Variants in SPDEF observed in about 807,000 individuals in gnomAD.
SPDEF encodes the protein SAM pointed domain containing ETS transcription factor.
Under a neutral mutation model 36.0 loss-of-function variants are expected in SPDEF, and 12 were observed. That is an observed-to-expected ratio of 0.33 (90% CI 0.21 to 0.54). The LOEUF (loss-of-function observed/expected upper bound fraction) is 0.54. SPDEF is among the 20% of genes least tolerant of loss of function. The probability of loss-of-function intolerance (pLI) is 0.93; values close to 1 mark genes in which losing one functional copy is unlikely to be tolerated. For missense variants in SPDEF, 388 were observed against 456.9 expected (o/e 0.85, Z 1.37); for synonymous variants, 205 against 193.0 (o/e 1.06, Z -0.51).
At chr6:34,550,064 C>T (rs1231667986) in intron 1 of SPDEF, among the ~76,000 whole-genome samples, 4 of 152,218 alleles carry the variant, frequency 2.6e-5, no homozygotes, top group Non-Finnish European at 5.9e-5. Context: ...TGGAGAAAAG[C>T]TGGGCTACCC....
At chr6:34,546,078 G>A (rs551555036) in intron 1 of SPDEF, among the ~76,000 whole-genome samples, 26 of 152,266 alleles carry the variant, frequency 1.7e-4, no homozygotes, top group African/African-American at 6.0e-4. Context: ...CCTTTCTCGA[G>A]GGTTATTTAT....
In SPDEF at chr6:34,544,363, C is replaced by T. The variant is rs149469712; in HGVS notation, c.93G>A (p.Ala31=). 148 of 1,602,918 alleles carry T rather than the reference C, an allele frequency of 9.2e-5. No homozygotes were observed. Among genetic ancestry groups the T allele is most frequent in the African/African-American group, 6.5e-4 (49 of 74,972 alleles). The change falls in exon 2 of 6, where the codon GCG becomes GCA. Residue 31 remains alanine (A), a synonymous_variant. Transcript: ENST00000374037. The surrounding 1 kb of genome is among the most constrained non-coding windows in gnomAD (Gnocchi z 4.4). Reference sequence around the variant, plus strand: ...TCTCGAGACCCACTGCCCCCGCTGCCGCCTTCTCCAAGCCTGTCCGCGACA... The same window carrying T: ...TCTCGAGACCCACTGCCCCCGCTGCTGCCTTCTCCAAGCCTGTCCGCGACA... ...DTVSRTGLEK[A]AAGAVGLERR... is the part of the protein sequence containing the mutation.
intron 1 of SPDEF, among the ~76,000 whole-genome samples, chr6:34,554,813 G>A (rs531967037): frequency 1.3e-5 from 2 of 152,362 alleles, no homozygotes; most frequent in African/African-American, 4.8e-5. Flanking sequence ...GGGCAGCCTG[G>A]ACGCCTGTTT....
chr6:34,546,215 TC>T (rs894270232), intron 1 of SPDEF, among the ~76,000 whole-genome samples: 35 of 152,306 alleles, frequency 2.3e-4, no homozygotes, highest in African/African-American at 8.2e-4. Context: ...TGGGGGAGAC[TC>T]CGCAGTCTGG....
At chr6:34,541,511 G>A (rs1369026594) in intron 2 of SPDEF, among the ~76,000 whole-genome samples, 1 of 152,194 alleles carries the variant, frequency 6.6e-6, no homozygotes, top group Non-Finnish European at 1.5e-5. Context: ...AGCCCTAGAG[G>A]GACAGTGACA....
rs1767777088 is a variant in SPDEF at position 34,539,658 on chromosome 6, C to G, written c.635-96G>C. 7.1e-7 allele frequency: 1 copy of G among 1,413,450 alleles called. No individual in the cohort carries two copies. Among genetic ancestry groups the G allele is most frequent in the Admixed American group, 2.0e-5 (1 of 50,780 alleles). The allele number at this position is 1,413,450 out of a possible 1,614,324, so 87.6% of individuals were successfully genotyped here. ...TGGGACTGTGGGGCCACAGGAGCCC[C>G]TCTGTGGCTGGGGGTTGCCCCTGTG... On this transcript the variant is annotated intron_variant, in intron 3 of 5. Transcript: ENST00000374037. The surrounding 1 kb of genome is among the most constrained non-coding windows in gnomAD (Gnocchi z 5.2).
At position 34,539,161 on chromosome 6, in the gene SPDEF, G is replaced by T; in HGVS notation, c.829+89C>A. 6.8e-7 allele frequency: 1 copy of T among 1,475,092 alleles called. No individual in the cohort carries two copies. The highest frequency in any genetic ancestry group is 9.2e-7 in the Non-Finnish European group (1 of 1,081,578). The allele number at this position is 1,475,092 out of a possible 1,614,324, so 91.4% of individuals were successfully genotyped here. A position where few individuals can be genotyped will look rare whatever the true frequency, so the allele number is the denominator to read the frequency against. On this transcript the variant is annotated intron_variant, in intron 5 of 5. Transcript: ENST00000374037. The surrounding 1 kb of genome is among the most constrained non-coding windows in gnomAD (Gnocchi z 5.2). ...GGGGATCAGCTTCACCCCTCTGCCC[G>T]CCCCTGCCCCCATGCACCGTGCCTG...
At chr6:34,542,616 A>C (rs1166717797) in intron 2 of SPDEF, among the ~76,000 whole-genome samples, 1 of 152,194 alleles carries the variant, frequency 6.6e-6, no homozygotes, top group African/African-American at 2.4e-5. Flanking sequence ...CGGCCCAGAG[A>C]GGTAGCTCAT....
chr6:34,555,459 G>A lies in SPDEF; in HGVS notation c.-30+470C>T, dbSNP rs1768148209. 6.6e-6 allele frequency among the ~76,000 whole-genome samples: 1 copy of A among 152,128 alleles called. No homozygotes were observed. The highest frequency in any genetic ancestry group is 1.5e-5 in the Non-Finnish European group (1 of 68,014). On this transcript the variant is annotated intron_variant, in intron 1 of 5. Transcript: ENST00000374037. This position sits in a 1 kb window ranked among gnomAD's most constrained non-coding sequence, Gnocchi z 5.2. ...CTGTCCCGAACTGGACCCGGCCTTA[G>A]ACTTAGCCCTGACCCATCAAGCTCC... is the stretch of plus-strand genomic sequence containing the variant.
intron 1 of SPDEF, among the ~76,000 whole-genome samples, chr6:34,549,488 C>G (rs1020925100): frequency 1.3e-5 from 2 of 152,200 alleles, no homozygotes; most frequent in Admixed American, 1.3e-4. Flanking sequence ...CTTTGCCTCC[C>G]AGGTTTTCAC....
At chr6:34,540,945 A>G (rs1488529570) in intron 3 of SPDEF, 39 bp downstream of exon 3, 1 of 1,583,898 alleles carries the variant, frequency 6.3e-7, no homozygotes, top group African/African-American at 1.3e-5. Context: ...CCTGGCTTGG[A>G]GCCTGGGAGG....
At position 34,553,821 on chromosome 6, in the gene SPDEF, T is replaced by G. The variant is rs1228423883; in HGVS notation, c.-30+2108A>C. Among the ~76,000 whole-genome samples the G allele has an allele frequency of 3.3e-5, 5 of 151,966 alleles. No individual in the cohort carries two copies. The South Asian group carries it at 1.0e-3, about 31-fold the overall frequency. ...GAGGCTGGGGCCCTGTCCTGTTCTCTAGCCCAGTCCAGGCAGCTGCAGGCT... is the reference window on the plus strand; with the variant it reads ...GAGGCTGGGGCCCTGTCCTGTTCTCGAGCCCAGTCCAGGCAGCTGCAGGCT... On this transcript the variant is annotated intron_variant, in intron 1 of 5. Transcript: ENST00000374037.
chr6:34,541,264 C>T, intron 2 of SPDEF, 83 bp from the exon 3 acceptor site: 1 of 1,371,688 alleles, frequency 7.3e-7, no homozygotes, highest in Admixed American at 2.1e-5. Context: ...GAACCTGTGG[C>T]CTGAGACCAT....
chr6:34,542,527 C>T (rs181384731), intron 2 of SPDEF, among the ~76,000 whole-genome samples: 2 of 152,320 alleles, frequency 1.3e-5, no homozygotes, highest in Admixed American at 1.3e-4. Flanking sequence ...GTCAGCCCTA[C>T]GAACACAGGG....
intron 1 of SPDEF, among the ~76,000 whole-genome samples, chr6:34,554,668 G>A (rs1296820670): frequency 6.6e-6 from 1 of 152,246 alleles, no homozygotes; most frequent in African/African-American, 2.4e-5. Context: ...CTCCAAGCTG[G>A]GGGTCCTTGG....
intron 1 of SPDEF, among the ~76,000 whole-genome samples, chr6:34,547,027 C>A (rs1230056300): frequency 2.7e-5 from 4 of 146,348 alleles, no homozygotes; most frequent in Non-Finnish European, 6.0e-5. Flanking sequence ...TCCTTCATCA[C>A]CCCCTGCCTG....
Position 34,544,549 on chromosome 6 carries a change from G to T in SPDEF, c.-29-65C>A. 2 of 1,326,638 alleles carry T rather than the reference G, an allele frequency of 1.5e-6. No homozygotes were observed. Among genetic ancestry groups the T allele is most frequent in the Non-Finnish European group, 2.0e-6 (2 of 1,001,338 alleles). The allele number at this position is 1,326,638 out of a possible 1,614,324, so 82.2% of individuals were successfully genotyped here. A position where few individuals can be genotyped will look rare whatever the true frequency, so the allele number is the denominator to read the frequency against. On this transcript the variant is annotated intron_variant, in intron 1 of 5. Coordinates refer to ENST00000374037, the MANE Select transcript of SPDEF (RefSeq NM_012391.3). The surrounding 1 kb of genome is among the most constrained non-coding windows in gnomAD (Gnocchi z 4.4). Reference sequence around the variant, plus strand: ...CATCCCTGTGGGGGCCGCTAAGCTGGTTATGGGGATGAGGGGCCCTGTGGA... The same window carrying T: ...CATCCCTGTGGGGGCCGCTAAGCTGTTTATGGGGATGAGGGGCCCTGTGGA...
chr6:34,538,076 C>A lies in SPDEF; in HGVS notation c.*198G>T, dbSNP rs933276152. On this transcript the variant is annotated 3_prime_UTR_variant, in exon 6 of 6. Coordinates refer to ENST00000374037, the MANE Select transcript of SPDEF (RefSeq NM_012391.3). The surrounding 1 kb of genome is among the most constrained non-coding windows in gnomAD (Gnocchi z 5.9). ...AGCAGCTGGGCCTGAGGAGGAAGCA[C>A]CCCTGCCCCAGGGTCCCGAAGGCCC... The A allele has an allele frequency of 1.1e-5, 6 of 565,148 alleles. No individual in the cohort carries two copies. The highest frequency in any genetic ancestry group is 1.9e-5 in the Non-Finnish European group (6 of 322,014). The allele number at this position is 565,148 out of a possible 1,614,324, so 35.0% of individuals were successfully genotyped here.
At position 34,539,696 on chromosome 6, in the gene SPDEF, C is replaced by T. The variant is rs1767778209; in HGVS notation, c.635-134G>A. Reference sequence around the variant, plus strand: ...GGTTGCCCCTGTGGCTCCCTGCCTCCTGCCAACCTGGGGAGGCAAGCTGGT... The same window carrying T: ...GGTTGCCCCTGTGGCTCCCTGCCTCTTGCCAACCTGGGGAGGCAAGCTGGT... On this transcript the variant is annotated intron_variant, in intron 3 of 5. Coordinates refer to ENST00000374037, the MANE Select transcript of SPDEF (RefSeq NM_012391.3). This position sits in a 1 kb window ranked among gnomAD's most constrained non-coding sequence, Gnocchi z 5.2. 4.0e-6 allele frequency: 4 copies of T among 1,004,644 alleles called. No individual in the cohort carries two copies. The highest frequency in any genetic ancestry group is 6.1e-6 in the Non-Finnish European group (4 of 656,370). 62.2% of individuals were successfully genotyped at this position (1,004,644 alleles called of 1,614,324 possible).
Sources: allele counts gnomAD v4.1 joint callset (sites outside exome capture counted in the v4.1 genomes callset), GRCh38; gene constraint gnomAD v4.1.1; non-coding constraint Gnocchi (gnomAD v3.1); transcripts MANE v1.5; gene names NCBI Gene and HGNC (gene_info 2026-07-23, HGNC 2026-07-21).